Variants in KANK1 observed in about 807,000 individuals in gnomAD.
KANK1 encodes KN motif and ankyrin repeat domain-containing protein 1.
A neutral mutation model predicts 106.2 loss-of-function variants in KANK1; 109 were observed. The ratio of observed to expected loss-of-function variants is 1.03; its 90% CI spans 0.88 to 1.20. The LOEUF is 1.20. Among genes scored for constraint, KANK1 ranks in the 50% most tolerant of loss-of-function variants. KANK1 has a pLI of 0.00. For synonymous variants in KANK1, 873 were observed against 652.2 expected, an observed-to-expected ratio of 1.34 and a Z score of -5.16; for missense variants, 2,399 against 1,710.7, an observed-to-expected ratio of 1.40 and a Z score of -7.10.
chr9:729,563 G>A (rs1468630569), intron 3 of KANK1, among the ~76,000 whole-genome samples: 1 of 152,232 alleles, frequency 6.6e-6, no homozygotes, highest in Non-Finnish European at 1.5e-5. Flanking sequence ...ACGACAGGAG[G>A]AGTGGGAAAT....
chr9:665,379 C>T (rs1383216843), intron 1 of KANK1, among the ~76,000 whole-genome samples: 2 of 152,170 alleles, frequency 1.3e-5, no homozygotes, highest in African/African-American at 4.8e-5. Flanking sequence ...CATTCTTCTA[C>T]ATACAGTTGT....
intron 1 of KANK1, among the ~76,000 whole-genome samples, chr9:642,047 G>C (rs141385638): frequency 6.6e-6 from 1 of 152,168 alleles, no homozygotes; most frequent in South Asian, 2.1e-4. Context: ...TGTGTCCATG[G>C]GTATATTAAA....
At chr9:735,188 T>A (rs1252014545) in intron 7 of KANK1, among the ~76,000 whole-genome samples, 3 of 152,166 alleles carry the variant, frequency 2.0e-5, no homozygotes, top group East Asian at 3.8e-4. Context: ...GGGAGCAGCA[T>A]CCAAGAATTT....
chr9:718,755 C>T (rs1828453063), intron 3 of KANK1, among the ~76,000 whole-genome samples: 1 of 152,094 alleles, frequency 6.6e-6, no homozygotes, highest in African/African-American at 2.4e-5. Context: ...GGTGACCACA[C>T]ATGTATTAGC....
intron 3 of KANK1, among the ~76,000 whole-genome samples, chr9:722,763 G>C (rs1193064178): frequency 6.6e-6 from 1 of 152,186 alleles, no homozygotes; most frequent in Non-Finnish European, 1.5e-5. Flanking sequence ...AGCCTCAGTA[G>C]AATCCTCATG....
At chr9:674,055 A>G (rs1815852310) in intron 1 of KANK1, 1 of 152,022 alleles carries the variant, frequency 6.6e-6, no homozygotes, top group Non-Finnish European at 1.5e-5. Flanking sequence ...AAATGTATAG[A>G]CATTCACTCC....
At chr9:578,309 C>G (rs1479369172) in intron 1 of KANK1, among the ~76,000 whole-genome samples, 1 of 148,492 alleles carries the variant, frequency 6.7e-6, no homozygotes, top group Non-Finnish European at 1.5e-5. Flanking sequence ...ATTCTTGAGT[C>G]TCTTTATTTT....
chr9:682,665 C>T (rs1817802807), intron 2 of KANK1, among the ~76,000 whole-genome samples: 1 of 152,160 alleles, frequency 6.6e-6, no homozygotes, highest in African/African-American at 2.4e-5. Flanking sequence ...TTTTTCTCCT[C>T]CTTTTTTATT....
At chr9:514,681 T>C (rs1275761235) in intron 1 of KANK1, among the ~76,000 whole-genome samples, 2 of 151,752 alleles carry the variant, frequency 1.3e-5, no homozygotes, top group African/African-American at 4.9e-5. Context: ...AATATACTGC[T>C]GTTCATCCTG....
chr9:505,624 C>G (rs550142716), intron 1 of KANK1, among the ~76,000 whole-genome samples: 3 of 152,360 alleles, frequency 2.0e-5, no homozygotes, highest in East Asian at 3.9e-4. Flanking sequence ...TCAGCACGAG[C>G]CGTGCTGCAC....
intron 1 of KANK1, among the ~76,000 whole-genome samples, chr9:564,860 T>G (rs1787035984): frequency 1.3e-5 from 2 of 152,210 alleles, no homozygotes; most frequent in Admixed American, 1.3e-4. Flanking sequence ...CATACAGTGT[T>G]GTTTTTGGCT....
At chr9:542,799 C>T (rs1437064684) in intron 1 of KANK1, among the ~76,000 whole-genome samples, 3 of 152,116 alleles carry the variant, frequency 2.0e-5, no homozygotes, top group Non-Finnish European at 2.9e-5. Context: ...CACAGAAAGA[C>T]AGATACTGCA....
At chr9:650,747 T>TTAAG (rs57858853) in intron 1 of KANK1, among the ~76,000 whole-genome samples, 4,432 of 152,138 alleles carry the variant, frequency 0.029, 210 homozygotes, top group African/African-American at 0.099. Context: ...TTTACCAGTC[T>TTAAG]TAAGGTATCC....
At chr9:587,013 A>C (rs1823655348) in intron 1 of KANK1, among the ~76,000 whole-genome samples, 1 of 152,216 alleles carries the variant, frequency 6.6e-6, no homozygotes, top group Non-Finnish European at 1.5e-5. Flanking sequence ...TTTTCCTTTC[A>C]GAATGATGGT....
At chr9:599,428 T>C (rs1271560723) in intron 1 of KANK1, among the ~76,000 whole-genome samples, 1 of 151,924 alleles carries the variant, frequency 6.6e-6, no homozygotes, top group Non-Finnish European at 1.5e-5. Flanking sequence ...TCTGTTAAGT[T>C]TGATATACAT....
intron 1 of KANK1, among the ~76,000 whole-genome samples, chr9:520,023 C>T (rs2059473244): frequency 6.6e-6 from 1 of 151,722 alleles, no homozygotes; most frequent in Non-Finnish European, 1.5e-5. Context: ...CTGGGACATA[C>T]TTATGGCAGA....
chr9:504,992 G>C (rs1413101092), intron 1 of KANK1, among the ~76,000 whole-genome samples: 1 of 151,404 alleles, frequency 6.6e-6, no homozygotes, highest in African/African-American at 2.4e-5. Flanking sequence ...CGTCGGCCCC[G>C]CGGCCGTCGG....
chr9:739,464 C>A (rs12002416), intron 8 of KANK1, among the ~76,000 whole-genome samples: 3 of 152,028 alleles, frequency 2.0e-5, no homozygotes, highest in African/African-American at 7.3e-5. Context: ...CTTCCTTTCT[C>A]TTATAAGTGT....
At chr9:536,565 G>T (rs1237695289) in intron 1 of KANK1, among the ~76,000 whole-genome samples, 1 of 152,092 alleles carries the variant, frequency 6.6e-6, no homozygotes, top group South Asian at 2.1e-4. Context: ...GGCAAATTTA[G>T]TCCCTTTTAC....
Sources: gnomAD v4.1 joint callset for allele counts (sites outside exome capture counted in the v4.1 genomes callset) on GRCh38, gnomAD v4.1.1 for gene constraint, MANE v1.5 for transcripts, NCBI Gene and HGNC (gene_info 2026-07-23, HGNC 2026-07-21) for gene names.